Variants in SORL1 observed in about 807,000 individuals in gnomAD.
SORL1 encodes sortilin related receptor 1, also known as sortilin-related receptor.
A neutral mutation model predicts 273.7 loss-of-function variants in SORL1; 127 were observed. The ratio of observed to expected loss-of-function variants is 0.46; its 90% CI spans 0.40 to 0.54. The LOEUF is 0.54. SORL1 is among the 20% of genes least tolerant of loss of function. SORL1 has a pLI of 0.00. For missense variants in SORL1, 2,494 were observed against 2,846.1 expected (o/e 0.88, Z 2.81); for synonymous variants, 1,031 against 1,067.4 (o/e 0.97, Z 0.66).
intron 23 of SORL1, among the ~76,000 whole-genome samples, chr11:121,571,173 G>T (rs1862836858): frequency 6.6e-6 from 1 of 152,248 alleles, no homozygotes; most frequent in South Asian, 2.1e-4. Context: ...ATGCATGTAG[G>T]ATGGGCACCC....
At chr11:121,623,595 A>G (rs542480293) in intron 45 of SORL1, among the ~76,000 whole-genome samples, 1 of 152,344 alleles carries the variant, frequency 6.6e-6, no homozygotes, top group African/African-American at 2.4e-5. Flanking sequence ...TTTACAAATG[A>G]TCGACACCAG....
chr11:121,504,210 G>A (rs1234912909), intron 6 of SORL1, among the ~76,000 whole-genome samples: 1 of 152,056 alleles, frequency 6.6e-6, no homozygotes, highest in Non-Finnish European at 1.5e-5. Context: ...CCAGGAGTTC[G>A]AGACCAGCCT....
intron 12 of SORL1, among the ~76,000 whole-genome samples, chr11:121,535,671 T>G (rs1380933713): frequency 1.3e-5 from 1 of 77,460 alleles, no homozygotes; most frequent in African/African-American, 3.1e-5. Flanking sequence ...AACATTAGGG[T>G]TTTTTTTTTT....
intron 7 of SORL1, 125 bp downstream of exon 7, chr11:121,513,229 T>A: frequency 1.4e-6 from 1 of 739,270 alleles, no homozygotes; most frequent in Non-Finnish European, 2.4e-6. Flanking sequence ...AAGTCAGGTC[T>A]CTAGAGAGTG....
chr11:121,575,235 C>T (rs1228968278), intron 24 of SORL1, among the ~76,000 whole-genome samples: 1 of 152,188 alleles, frequency 6.6e-6, no homozygotes, highest in Non-Finnish European at 1.5e-5. Context: ...TTTTCTAATC[C>T]TCCACTATTT....
intron 1 of SORL1, among the ~76,000 whole-genome samples, chr11:121,463,086 G>A (rs1455707151): frequency 6.6e-6 from 1 of 152,082 alleles, no homozygotes; most frequent in African/African-American, 2.4e-5. Context: ...CTCTCTTGAG[G>A]GGGTATTTGC....
chr11:121,613,462 G>A (rs1372250083), intron 40 of SORL1, among the ~76,000 whole-genome samples: 1 of 152,196 alleles, frequency 6.6e-6, no homozygotes, highest in Non-Finnish European at 1.5e-5. Context: ...CTTCTAGGCT[G>A]TGAAGCACTT....
intron 12 of SORL1, among the ~76,000 whole-genome samples, chr11:121,535,315 A>G (rs908801699): frequency 6.6e-6 from 1 of 152,252 alleles, no homozygotes; most frequent in Non-Finnish European, 1.5e-5. Context: ...ATAAGAGATT[A>G]GTCAGGAGTT....
At chr11:121,514,017 T>TA in intron 7 of SORL1, 135 bp from the exon 8 acceptor site, 1 of 950,664 alleles carries the variant, frequency 1.1e-6, no homozygotes. Context: ...TTGCCAAGGT[T>TA]AGGGAGCTTC....
intron 41 of SORL1, among the ~76,000 whole-genome samples, chr11:121,617,383 CTTGGAAAGTAAGTCACGATATA>C (rs1863657708): frequency 6.6e-6 from 1 of 152,148 alleles, no homozygotes. Context: ...CCAGAGTCAA[CTTGGAAAGTAAGTCACGATATA>C]TAGGATTAAA....
chr11:121,553,249 C>G (rs1259058493), intron 16 of SORL1, among the ~76,000 whole-genome samples: 1 of 152,192 alleles, frequency 6.6e-6, no homozygotes, highest in Non-Finnish European at 1.5e-5. Context: ...AACAAGAGTT[C>G]TACCATCAGG....
At chr11:121,517,155 A>G (rs1591308601) in intron 8 of SORL1, among the ~76,000 whole-genome samples, 1 of 152,090 alleles carries the variant, frequency 6.6e-6, no homozygotes, top group Admixed American at 6.6e-5. Flanking sequence ...ATGTTGTGCC[A>G]CCGCCACCTC....
chr11:121,566,990 G>A lies in SORL1; in HGVS notation c.3100G>A (p.Ala1034Thr), dbSNP rs1297854061. Residue 1034 changes from alanine to threonine, a missense_variant, in exon 22 of 48, where the codon GCC (alanine) becomes ACC (threonine). Ala to Thr is a moderately conservative substitution (Grantham distance 58). This residue lies in a region of SORL1 where 1,609 missense variants were observed against 1,816.4 expected (regional missense o/e 0.89). Transcript: ENST00000260197. Reference sequence around the variant, plus strand: ...ATGCAGCCTGCTGTGCCTGCCCAAGGCCAACAACAGTAGAAGCTGCAGGTG... The same window carrying A: ...ATGCAGCCTGCTGTGCCTGCCCAAGACCAACAACAGTAGAAGCTGCAGGTG... ...RPCSLLCLPK[A>T]NNSRSCRCPE... The A allele has an allele frequency of 6.2e-7, 1 of 1,613,986 alleles. No individual in the cohort carries two copies. The highest frequency in any genetic ancestry group is 2.2e-5 in the East Asian group (1 of 44,876).
intron 2 of SORL1, among the ~76,000 whole-genome samples, chr11:121,475,584 G>T (rs1159829720): frequency 6.6e-6 from 1 of 152,190 alleles, no homozygotes; most frequent in Non-Finnish European, 1.5e-5. Context: ...TTTTCTCTCT[G>T]CGGGCCAGCA....
At position 121,555,420 on chromosome 11, in the gene SORL1, T is replaced by C. The variant is rs950751638; in HGVS notation, c.2571+102T>C. On this transcript the variant is annotated intron_variant, in intron 18 of 47. Transcript: ENST00000260197. ...GGCAAGGGCCAGTGTGTCAGATTAC[T>C]CAGGAAATTTACTGCGAGTTTCCAG... 5 of 1,438,874 alleles carry C rather than the reference T, an allele frequency of 3.5e-6. No individual in the cohort carries two copies. The African/African-American group carries it at 7.1e-5, about 20-fold the overall frequency. 89.1% of individuals were successfully genotyped at this position (1,438,874 alleles called of 1,614,324 possible).
At chr11:121,571,102 A>C (rs557289556) in intron 23 of SORL1, among the ~76,000 whole-genome samples, 3 of 152,350 alleles carry the variant, frequency 2.0e-5, no homozygotes, top group East Asian at 3.9e-4. Flanking sequence ...AGTCTGAAGT[A>C]GGAGTCAGAA....
chr11:121,620,868 A>G (rs1350061719), intron 43 of SORL1, among the ~76,000 whole-genome samples, 196 bp from the exon 44 acceptor site: 2 of 152,230 alleles, frequency 1.3e-5, no homozygotes, highest in African/African-American at 2.4e-5. Context: ...GTGCAATTCT[A>G]TGAGTGAATA....
intron 3 of SORL1, among the ~76,000 whole-genome samples, chr11:121,485,382 C>T (rs1015251756): frequency 1.3e-5 from 2 of 152,202 alleles, no homozygotes; most frequent in Non-Finnish European, 1.5e-5. Flanking sequence ...CAGATATTGA[C>T]GTCAATGCTG....
chr11:121,474,302 C>T (rs1861223810), intron 2 of SORL1, among the ~76,000 whole-genome samples: 1 of 151,464 alleles, frequency 6.6e-6, no homozygotes, highest in African/African-American at 2.4e-5. Flanking sequence ...AGAACCTGCA[C>T]TTGACCAGTG....
Sources: gnomAD v4.1 joint callset for allele counts (sites outside exome capture counted in the v4.1 genomes callset) on GRCh38, gnomAD v4.1.1 for gene constraint, gnomAD v4.1.1 regional missense constraint, MANE v1.5 for transcripts, NCBI Gene and HGNC (gene_info 2026-07-23, HGNC 2026-07-21) for gene names.